SHISA6: variants seen among roughly 807,000 people sequenced by gnomAD.
SHISA6 encodes the protein shisa family member 6, also known as protein shisa-6.
In SHISA6, 22 loss-of-function variants were observed where a neutral mutation model predicts 47.9. That is an observed-to-expected ratio of 0.46 (90% CI 0.33 to 0.66). SHISA6 has a LOEUF of 0.66. Ranked by LOEUF, SHISA6 falls within the 30% of genes least tolerant of loss-of-function variation. SHISA6 has a pLI of 0.02. For synonymous variants in SHISA6, 388 were observed against 337.8 expected (o/e 1.15, Z -1.63); for missense variants, 680 against 764.6 (o/e 0.89, Z 1.30).
intron 2 of SHISA6, among the ~76,000 whole-genome samples, chr17:11,367,165 G>T (rs189958706): frequency 9.2e-5 from 14 of 152,258 alleles, no homozygotes; most frequent in Non-Finnish European, 1.6e-4. Context: ...GGGGGAATGG[G>T]GTGAAGGGAG....
intron 2 of SHISA6, among the ~76,000 whole-genome samples, chr17:11,309,827 T>C (rs928391360): frequency 2.6e-5 from 4 of 152,226 alleles, no homozygotes; most frequent in African/African-American, 7.2e-5. Flanking sequence ...TATCTTGATT[T>C]TGGATTTCCT....
intron 3 of SHISA6, among the ~76,000 whole-genome samples, chr17:11,408,039 A>G (rs901495592): frequency 6.6e-6 from 1 of 152,236 alleles, no homozygotes; most frequent in Non-Finnish European, 1.5e-5. Context: ...CCTGGACCAG[A>G]TAAACACACT....
chr17:11,388,799 T>C (rs1174392463), intron 3 of SHISA6, among the ~76,000 whole-genome samples: 1 of 35,862 alleles, frequency 2.8e-5, no homozygotes, highest in Non-Finnish European at 5.5e-5. Flanking sequence ...TTTATATATA[T>C]ATATATATAT....
intron 3 of SHISA6, among the ~76,000 whole-genome samples, chr17:11,438,905 C>G (rs1414659804): frequency 6.6e-6 from 1 of 152,004 alleles, no homozygotes; most frequent in Non-Finnish European, 1.5e-5. Flanking sequence ...TCATGTGCAG[C>G]TGATTTATAG....
intron 2 of SHISA6, among the ~76,000 whole-genome samples, chr17:11,320,828 G>T (rs1334444754): frequency 1.3e-5 from 2 of 152,170 alleles, no homozygotes; most frequent in African/African-American, 2.4e-5. Context: ...AGGAGGCAGA[G>T]AACTCATGTA....
intron 2 of SHISA6, among the ~76,000 whole-genome samples, chr17:11,281,809 C>T (rs1224224257): frequency 3.3e-5 from 5 of 152,088 alleles, no homozygotes; most frequent in African/African-American, 1.2e-4. Flanking sequence ...AAGTGTAAAG[C>T]TATTCAGGGT....
At chr17:11,526,119 C>CCCG (rs60947582) in intron 3 of SHISA6, among the ~76,000 whole-genome samples, 2 of 151,842 alleles carry the variant, frequency 1.3e-5, no homozygotes, top group African/African-American at 4.8e-5. Context: ...GACCCCCCCC[C>CCCG]GCTCTCTGCT....
At chr17:11,348,072 G>A (rs536438012) in intron 2 of SHISA6, among the ~76,000 whole-genome samples, 8 of 152,330 alleles carry the variant, frequency 5.3e-5, no homozygotes, top group Admixed American at 4.6e-4. Context: ...GCTTGGCAAA[G>A]CATAATGGCA....
chr17:11,252,332 GTCTCATTACTCAGGACAT>G (rs1907845042), intron 1 of SHISA6, among the ~76,000 whole-genome samples: 1 of 152,152 alleles, frequency 6.6e-6, no homozygotes, highest in South Asian at 2.1e-4. Flanking sequence ...CGGCATTAAA[GTCTCATTACTCAGGACAT>G]CTGTCCTCTG....
At chr17:11,544,780 G>A (rs1256134879) in intron 3 of SHISA6, among the ~76,000 whole-genome samples, 1 of 152,014 alleles carries the variant, frequency 6.6e-6, no homozygotes, top group Admixed American at 6.6e-5. Flanking sequence ...CTAACAGGGT[G>A]AAACCCCGTC....
At chr17:11,260,275 G>A (rs1908178152) in intron 1 of SHISA6, among the ~76,000 whole-genome samples, 1 of 152,068 alleles carries the variant, frequency 6.6e-6, no homozygotes, top group Admixed American at 6.6e-5. Flanking sequence ...GATAATTCAG[G>A]CAAAAGAATT....
At chr17:11,388,689 C>G (rs1231080699) in intron 3 of SHISA6, among the ~76,000 whole-genome samples, 1 of 150,258 alleles carries the variant, frequency 6.7e-6, no homozygotes, top group Non-Finnish European at 1.5e-5. Context: ...CAACCTCACA[C>G]CATAGCTACT....
chr17:11,546,128 T>C (rs2142383198), intron 3 of SHISA6, among the ~76,000 whole-genome samples: 1 of 152,352 alleles, frequency 6.6e-6, no homozygotes, highest in Non-Finnish European at 1.5e-5. Context: ...CTCTAAAGAC[T>C]GACTTTATCT....
At chr17:11,423,114 T>C (rs1442941759) in intron 3 of SHISA6, among the ~76,000 whole-genome samples, 7 of 151,614 alleles carry the variant, frequency 4.6e-5, no homozygotes, top group Non-Finnish European at 1.0e-4. Flanking sequence ...ATTTTATTTA[T>C]CTCCCATATA....
At position 11,501,269 on chromosome 17, in the gene SHISA6, C is replaced by T. The variant is rs1318721859; in HGVS notation, c.896-50627C>T. Among the ~76,000 whole-genome samples, 3 of 152,054 alleles carry T rather than the reference C, an allele frequency of 2.0e-5. 1 individual carries two copies. The highest frequency in any genetic ancestry group is 6.6e-5 in the Admixed American group (1 of 15,246). On this transcript the variant is annotated intron_variant, in intron 3 of 5. Coordinates refer to ENST00000441885, the MANE Select transcript of SHISA6 (RefSeq NM_207386.4). ...CTGGGATTACAGGTATCCGCCACCA[C>T]GCCCAGCTAATTTTGTATTTTTAGT...
In SHISA6 at chr17:11,544,731, C is replaced by T. The variant is rs372820539; in HGVS notation, c.896-7165C>T. Reference sequence around the variant, plus strand: ...ATCCCAGCACTTTGGGAGGCCAAGGCGGGTGGATCACGAGGTCAGGAGATT... The same window carrying T: ...ATCCCAGCACTTTGGGAGGCCAAGGTGGGTGGATCACGAGGTCAGGAGATT... On this transcript the variant is annotated intron_variant, in intron 3 of 5. Transcript: ENST00000441885. Among the ~76,000 whole-genome samples, 10 of 151,936 alleles carry T rather than the reference C, an allele frequency of 6.6e-5. No homozygotes were observed. The East Asian group carries it at 1.4e-3, about 21-fold the overall frequency.
chr17:11,444,400 A>T (rs1483407218), intron 3 of SHISA6, among the ~76,000 whole-genome samples: 2 of 152,148 alleles, frequency 1.3e-5, no homozygotes, highest in Non-Finnish European at 2.9e-5. Context: ...TTATGAAAAC[A>T]CCCATAAGGA....
intron 2 of SHISA6, among the ~76,000 whole-genome samples, chr17:11,319,398 G>C (rs1910636263): frequency 1.3e-5 from 2 of 152,076 alleles, no homozygotes; most frequent in Admixed American, 1.3e-4. Context: ...ATTAATAAGA[G>C]GGTATGGTTG....
At chr17:11,497,688 G>C (rs2874638) in intron 3 of SHISA6, among the ~76,000 whole-genome samples, 30,508 of 152,138 alleles carry the variant, frequency 0.2, 3,233 homozygotes, top group East Asian at 0.32. Context: ...CTCCATACAT[G>C]GGTTAAGCTT....
Sources: gnomAD v4.1 joint callset for allele counts (sites outside exome capture counted in the v4.1 genomes callset) on GRCh38, gnomAD v4.1.1 for gene constraint, MANE v1.5 for transcripts, NCBI Gene and HGNC (gene_info 2026-07-23, HGNC 2026-07-21) for gene names.